Variants in ING4 observed in about 807,000 individuals in gnomAD.
ING4 encodes inhibitor of growth family member 4.
Under a neutral mutation model 33.1 loss-of-function variants are expected in ING4, and 28 were observed. The observed-to-expected ratio is 0.85, with a 90% CI of 0.63 to 1.16. The LOEUF is 1.16. Ranked by LOEUF, ING4 falls within the 50% of genes most tolerant of loss-of-function variation. The probability of loss-of-function intolerance (pLI) is 0.00; values close to 1 mark genes in which losing one functional copy is unlikely to be tolerated. For missense variants in ING4, 247 were observed against 314.7 expected (o/e 0.78, Z 1.63); for synonymous variants, 87 against 104.4 (o/e 0.83, Z 1.02).
chr12:6,659,453 G>A (rs1949476066), intron 1 of ING4, among the ~76,000 whole-genome samples: 1 of 151,996 alleles, frequency 6.6e-6, no homozygotes, highest in Non-Finnish European at 1.5e-5. Flanking sequence ...GTTGCAGTGA[G>A]CTGAGATCGC....
chr12:6,654,057 G>A (rs1360197431), intron 2 of ING4, among the ~76,000 whole-genome samples: 2 of 151,864 alleles, frequency 1.3e-5, no homozygotes, highest in Admixed American at 6.6e-5. Flanking sequence ...GGCTGGTCTC[G>A]AACTCCTGGG....
intron 5 of ING4, 41 bp downstream of exon 5, chr12:6,652,621 A>G: frequency 6.4e-7 from 1 of 1,565,636 alleles, no homozygotes; most frequent in East Asian, 2.2e-5. Context: ...ACCGGGAGAG[A>G]AGAGGATGTC....
At chr12:6,656,873 G>T (rs1949369178) in intron 1 of ING4, 75 bp from the exon 2 acceptor site, 2 of 921,994 alleles carry the variant, frequency 2.2e-6, no homozygotes, top group Admixed American at 5.8e-5. Flanking sequence ...TGCAGTTCAG[G>T]CCGGACATGG....
At chr12:6,661,809 T>C (rs1455929958) in intron 1 of ING4, among the ~76,000 whole-genome samples, 1 of 152,184 alleles carries the variant, frequency 6.6e-6, no homozygotes, top group African/African-American at 2.4e-5. Flanking sequence ...GTCAGTCCTT[T>C]CATATTTAAC....
intron 1 of ING4, among the ~76,000 whole-genome samples, chr12:6,662,433 T>C (rs1378019983): frequency 6.6e-6 from 1 of 152,214 alleles, no homozygotes; most frequent in African/African-American, 2.4e-5. Context: ...CCTGCCATTA[T>C]GTCTGACCCA....
intron 2 of ING4, among the ~76,000 whole-genome samples, chr12:6,654,568 G>A (rs1275525215): frequency 6.6e-6 from 1 of 151,802 alleles, no homozygotes; most frequent in Non-Finnish European, 1.5e-5. Flanking sequence ...TGAACTCCTG[G>A]TCAAATGATC....
At chr12:6,655,758 A>G (rs1592323507) in intron 2 of ING4, 2 of 444,650 alleles carry the variant, frequency 4.5e-6, no homozygotes, top group East Asian at 1.5e-4. Context: ...AGTCTGTTAC[A>G]TCCTTGAACA....
In ING4 at chr12:6,653,400, C is replaced by T. The variant is rs1348541175; in HGVS notation, c.110-4G>A. ...TTGTCAATTTCAGCCTTCAGGTCTA[C>T]AACAGAGACAGAGGCCTGGTCACAA... On this transcript the variant is annotated splice_polypyrimidine_tract_variant and splice_region_variant and intron_variant, in intron 2 of 7. Coordinates refer to ENST00000341550, the MANE Select transcript of ING4 (RefSeq NM_016162.4). The T allele has an allele frequency of 6.2e-7, 1 of 1,613,070 alleles. No individual in the cohort carries two copies. Among genetic ancestry groups the T allele is most frequent in the South Asian group, 1.1e-5 (1 of 90,880 alleles).
chr12:6,658,829 G>A (rs1167534494), intron 1 of ING4, among the ~76,000 whole-genome samples: 1 of 152,202 alleles, frequency 6.6e-6, no homozygotes, highest in South Asian at 2.1e-4. Flanking sequence ...ACACCAGCCT[G>A]AACTCATGTC....
Position 6,652,316 on chromosome 12 carries a change from A to G in ING4, c.600T>C (p.Cys200=), listed in dbSNP as rs779664155. The change falls in exon 6 of 8, where the codon TGT becomes TGC. Residue 200 remains cysteine (C), a synonymous_variant. Coordinates refer to ENST00000341550, the MANE Select transcript of ING4 (RefSeq NM_016162.4). ...TCATCTCTCCATAGGAGACCTGGTGACAAAGGCAATAGGTGGGTTCGTTGG... is the reference window on the plus strand; with the variant it reads ...TCATCTCTCCATAGGAGACCTGGTGGCAAAGGCAATAGGTGGGTTCGTTGG... ...VDPNEPTYCL[C]HQVSYGEMIG... is the part of the protein sequence containing the mutation. 9.3e-6 allele frequency: 15 copies of G among 1,614,056 alleles called. No homozygotes were observed. Among genetic ancestry groups the G allele is most frequent in the Non-Finnish European group, 1.3e-5 (15 of 1,180,054 alleles).
At chr12:6,660,272 C>T (rs572420797) in intron 1 of ING4, among the ~76,000 whole-genome samples, 16 of 151,958 alleles carry the variant, frequency 1.1e-4, no homozygotes, top group Non-Finnish European at 2.4e-4. Context: ...CCAGCCTGGG[C>T]AATATGGCCA....
intron 3 of ING4, 33 bp from the exon 4 acceptor site, chr12:6,653,083 A>C: frequency 6.2e-7 from 1 of 1,605,032 alleles, no homozygotes; most frequent in Non-Finnish European, 8.5e-7. Context: ...GGAGAGGTAC[A>C]AAACTATCTC....
At chr12:6,651,677 G>C (rs1312095315) in intron 6 of ING4, among the ~76,000 whole-genome samples, 3 of 151,942 alleles carry the variant, frequency 2.0e-5, no homozygotes, top group Non-Finnish European at 4.4e-5. Context: ...AAGCAGCTGA[G>C]ATTACAGGCA....
intron 1 of ING4, among the ~76,000 whole-genome samples, chr12:6,659,812 CAAA>C (rs35710003): frequency 1.1e-4 from 8 of 75,096 alleles, no homozygotes; most frequent in Admixed American, 4.6e-4. Flanking sequence ...GACTCTGTCT[CAAA>C]AAAAAAAAAA....
intron 1 of ING4, among the ~76,000 whole-genome samples, chr12:6,657,608 C>G (rs1270029729): frequency 2.0e-5 from 3 of 152,088 alleles, no homozygotes; most frequent in African/African-American, 7.2e-5. Context: ...CTATCCCACC[C>G]TTTTCGCCTT....
chr12:6,655,147 G>A (rs1053002883), intron 2 of ING4, among the ~76,000 whole-genome samples: 1 of 152,116 alleles, frequency 6.6e-6, no homozygotes, highest in African/African-American at 2.4e-5. Flanking sequence ...AGGTTCAAGC[G>A]ATTCTCCTGC....
chr12:6,660,856 G>A (rs1014478140), intron 1 of ING4, among the ~76,000 whole-genome samples: 4 of 152,034 alleles, frequency 2.6e-5, no homozygotes, highest in Non-Finnish European at 4.4e-5. Context: ...CGCTCTTGTC[G>A]CCCAGGCTGG....
At chr12:6,655,163 C>T (rs1255459798) in intron 2 of ING4, among the ~76,000 whole-genome samples, 1 of 152,174 alleles carries the variant, frequency 6.6e-6, no homozygotes. Flanking sequence ...CCTGCATCAG[C>T]CTCCTGAGTA....
chr12:6,653,650 G>A (rs1565399700), intron 2 of ING4, among the ~76,000 whole-genome samples: 2 of 152,164 alleles, frequency 1.3e-5, no homozygotes, highest in Non-Finnish European at 2.9e-5. Context: ...CACAGCAAGG[G>A]ATCCTTTGCA....
Sources: allele counts gnomAD v4.1 joint callset (sites outside exome capture counted in the v4.1 genomes callset), GRCh38; gene constraint gnomAD v4.1.1; transcripts MANE v1.5; gene names NCBI Gene and HGNC (gene_info 2026-07-23, HGNC 2026-07-21).